RELCH: variants seen among roughly 807,000 people sequenced by gnomAD.
RELCH encodes the protein RAB11-binding protein RELCH.
RELCH carries 41 observed loss-of-function variants against 150.3 expected under a neutral mutation model. That is an observed-to-expected ratio of 0.27 (90% CI 0.21 to 0.35). The LOEUF (loss-of-function observed/expected upper bound fraction) is 0.35, where lower values mean the gene tolerates loss of function less well. Ranked by LOEUF, RELCH falls within the 10% of genes least tolerant of loss-of-function variation. RELCH has a pLI of 1.00. For synonymous variants in RELCH, 478 were observed against 531.8 expected (o/e 0.90, Z 1.39); for missense variants, 1,092 against 1,467.8 (o/e 0.74, Z 4.18).
At chr18:62,291,916 T>A (rs1030358527) in intron 27 of RELCH, among the ~76,000 whole-genome samples, 2 of 152,148 alleles carry the variant, frequency 1.3e-5, no homozygotes, top group Non-Finnish European at 2.9e-5. Flanking sequence ...AAAATATTAG[T>A]TCTCTCTGAC....
intron 1 of RELCH, among the ~76,000 whole-genome samples, chr18:62,194,685 T>C (rs954761572): frequency 2.6e-5 from 4 of 152,248 alleles, no homozygotes; most frequent in African/African-American, 2.4e-5. Context: ...AGCATGTCGA[T>C]TGATACTACT....
intron 13 of RELCH, among the ~76,000 whole-genome samples, chr18:62,257,737 G>C (rs1305657482): frequency 6.6e-6 from 1 of 151,782 alleles, no homozygotes; most frequent in Non-Finnish European, 1.5e-5. Context: ...TTGGGCATGA[G>C]TGATATTTTT....
At chr18:62,229,485 G>GGTGTGTGTGTGTGT (rs58842870) in intron 8 of RELCH, among the ~76,000 whole-genome samples, 340 of 143,414 alleles carry the variant, frequency 2.4e-3, no homozygotes, top group Middle Eastern at 7.2e-3. Flanking sequence ...GTATAGTAGG[G>GGTGTGTGTGTGTGT]GTGTGTGTGT....
At chr18:62,217,157 G>C (rs904160602) in intron 2 of RELCH, among the ~76,000 whole-genome samples, 1 of 151,940 alleles carries the variant, frequency 6.6e-6, no homozygotes, top group Admixed American at 6.6e-5. Flanking sequence ...TAGTGGGCTG[G>C]AGAAGGAGGG....
intron 5 of RELCH, among the ~76,000 whole-genome samples, chr18:62,227,024 C>CA (rs869058786): frequency 3.4e-4 from 52 of 151,102 alleles, no homozygotes; most frequent in Middle Eastern, 3.4e-3. Flanking sequence ...CCCATCTCTA[C>CA]AAAAAAAAAT....
At chr18:62,294,482 T>C (rs534284812) in intron 27 of RELCH, among the ~76,000 whole-genome samples, 1 of 152,210 alleles carries the variant, frequency 6.6e-6, no homozygotes, top group East Asian at 1.9e-4. Flanking sequence ...ATGAGTTGTG[T>C]TCTTCTATTA....
intron 28 of RELCH, among the ~76,000 whole-genome samples, chr18:62,299,346 C>T (rs1381254429): frequency 2.6e-5 from 4 of 152,078 alleles, no homozygotes; most frequent in Non-Finnish European, 1.5e-5. Context: ...AGTATTATAA[C>T]GTTGGAGTTT....
intron 2 of RELCH, among the ~76,000 whole-genome samples, chr18:62,217,648 G>A (rs2040569201): frequency 6.6e-6 from 1 of 151,940 alleles, no homozygotes; most frequent in South Asian, 2.1e-4. Context: ...GAGATAACTG[G>A]GTAGGTCGGT....
At chr18:62,242,864 A>G (rs948225205) in intron 10 of RELCH, among the ~76,000 whole-genome samples, 3 of 152,084 alleles carry the variant, frequency 2.0e-5, no homozygotes, top group Non-Finnish European at 4.4e-5. Context: ...GTTTGCAATT[A>G]TAGCAGCTAT....
At chr18:62,238,610 A>G (rs1311725044) in intron 10 of RELCH, among the ~76,000 whole-genome samples, 2 of 152,054 alleles carry the variant, frequency 1.3e-5, no homozygotes, top group African/African-American at 4.8e-5. Flanking sequence ...AATATGTTCT[A>G]TCAGCTAGCT....
intron 12 of RELCH, among the ~76,000 whole-genome samples, chr18:62,253,080 T>G (rs2042808925): frequency 6.6e-6 from 1 of 152,116 alleles, no homozygotes; most frequent in South Asian, 2.1e-4. Context: ...TGTAGTAATT[T>G]ATATTATGAA....
intron 9 of RELCH, among the ~76,000 whole-genome samples, chr18:62,231,482 A>G (rs1187566657): frequency 6.6e-6 from 1 of 152,058 alleles, no homozygotes; most frequent in Non-Finnish European, 1.5e-5. Flanking sequence ...ACATTTTATT[A>G]ACGTTAAAGT....
At chr18:62,264,979 A>T in intron 18 of RELCH, 127 bp downstream of exon 18, 2 of 714,946 alleles carry the variant, frequency 2.8e-6, no homozygotes, top group East Asian at 2.8e-5. Flanking sequence ...AATATCCTAG[A>T]ATACTATGAT....
chr18:62,234,679 A>C (rs2041785546), intron 10 of RELCH, among the ~76,000 whole-genome samples: 1 of 151,926 alleles, frequency 6.6e-6, no homozygotes, highest in Non-Finnish European at 1.5e-5. Flanking sequence ...TACAATGAAA[A>C]TTCCTTTATT....
chr18:62,218,925 C>A (rs1268251962), intron 2 of RELCH, among the ~76,000 whole-genome samples: 3 of 151,934 alleles, frequency 2.0e-5, no homozygotes, highest in Non-Finnish European at 4.4e-5. Context: ...AAGATACATT[C>A]ATATATCTGT....
At chr18:62,233,795 T>C (rs2041725070) in intron 10 of RELCH, among the ~76,000 whole-genome samples, 1 of 151,948 alleles carries the variant, frequency 6.6e-6, no homozygotes, top group African/African-American at 2.4e-5. Flanking sequence ...ATTATGAAAT[T>C]CAGTTTTAGC....
Position 62,305,034 on chromosome 18 carries a change from A to T in RELCH, c.3531-380A>T, listed in dbSNP as rs1397408540. On this transcript the variant is annotated intron_variant, in intron 28 of 28. Transcript: ENST00000644646. The surrounding 1 kb of genome is among the most constrained non-coding windows in gnomAD (Gnocchi z 4.0). Reference sequence around the variant, plus strand: ...AAGAATAACTACTAACAATTACATCATGCTATTATGTGCCTAGCACTATAC... The same window carrying T: ...AAGAATAACTACTAACAATTACATCTTGCTATTATGTGCCTAGCACTATAC... Among the ~76,000 whole-genome samples the T allele has an allele frequency of 6.6e-6, 1 of 152,246 alleles. No individual in the cohort carries two copies. The highest frequency in any genetic ancestry group is 1.5e-5 in the Non-Finnish European group (1 of 68,040).
At chr18:62,217,838 TG>T (rs1438363618) in intron 2 of RELCH, among the ~76,000 whole-genome samples, 7 of 151,774 alleles carry the variant, frequency 4.6e-5, no homozygotes, top group Non-Finnish European at 1.0e-4. Flanking sequence ...AGAACAATAG[TG>T]GGAAGAATTT....
chr18:62,305,037 C>T lies in RELCH; in HGVS notation c.3531-377C>T, dbSNP rs746962797. Among the ~76,000 whole-genome samples the T allele has an allele frequency of 2.8e-4, 43 of 152,206 alleles. No individual in the cohort carries two copies. Among genetic ancestry groups the T allele is most frequent in the Non-Finnish European group, 5.9e-4 (40 of 68,036 alleles). On this transcript the variant is annotated intron_variant, in intron 28 of 28. Coordinates refer to ENST00000644646, the MANE Select transcript of RELCH (RefSeq NM_001346231.2). This position sits in a 1 kb window ranked among gnomAD's most constrained non-coding sequence, Gnocchi z 4.0. ...AATAACTACTAACAATTACATCATG[C>T]TATTATGTGCCTAGCACTATACTGA...
Sources: gnomAD v4.1 joint callset for allele counts (sites outside exome capture counted in the v4.1 genomes callset) on GRCh38, gnomAD v4.1.1 for gene constraint, Gnocchi (gnomAD v3.1) non-coding constraint, MANE v1.5 for transcripts, NCBI Gene and HGNC (gene_info 2026-07-23, HGNC 2026-07-21) for gene names.